The following FUT8 variants were observed in gnomAD, a reference collection of about 807,000 sequenced individuals.
The protein encoded by FUT8 is alpha-(1,6)-fucosyltransferase.
FUT8 carries 29 observed loss-of-function variants against 71.3 expected under a neutral mutation model. That is an observed-to-expected ratio of 0.41 (90% confidence interval 0.30 to 0.55). FUT8 has a LOEUF of 0.55. FUT8 is among the 20% of genes least tolerant of loss of function. FUT8 has a pLI of 0.34. For missense variants in FUT8, 544 were observed against 702.1 expected (o/e 0.77, Z 2.55); for synonymous variants, 254 against 239.3 (o/e 1.06, Z -0.57).
chr14:65,378,972 T>C, the FUT8 span, among the ~76,000 whole-genome samples: 45 of 146,856 alleles, frequency 3.1e-4, no homozygotes, highest in African/African-American at 1.0e-3. Context: ...TCAGCCTCCC[T>C]AGTAGCTGGG....
chr14:65,444,306 C>A (rs1286853363), intron 1 of FUT8, among the ~76,000 whole-genome samples: 1 of 152,146 alleles, frequency 6.6e-6, no homozygotes, highest in Non-Finnish European at 1.5e-5. Context: ...TAGACAATAG[C>A]AAGCTGACAG....
intron 9 of FUT8, among the ~76,000 whole-genome samples, chr14:65,726,718 C>A (rs1895704419): frequency 6.6e-6 from 1 of 152,144 alleles, no homozygotes; most frequent in African/African-American, 2.4e-5. Context: ...CAAAACCAGT[C>A]ATACTTTCCC....
In FUT8 at chr14:65,469,032, C is replaced by A. The variant is rs144683294; in HGVS notation, c.-228+13314C>A. Among the ~76,000 whole-genome samples, 151 of 152,214 alleles carry A rather than the reference C, an allele frequency of 9.9e-4. 1 individual carries two copies. Among genetic ancestry groups the A allele is most frequent in the African/African-American group, 3.5e-3 (144 of 41,518 alleles). The stretch of plus-strand genomic sequence containing the variant: ...GCCGGTCTTAGAAAAAAGGACTTAG[C>A]TGGGCATGGTGGTGGCATGCACCTG... On this transcript the variant is annotated intron_variant, in intron 2 of 10. Coordinates refer to ENST00000673929, the MANE Select transcript of FUT8 (RefSeq NM_001371533.1).
At chr14:65,597,848 C>T (rs554945181) in intron 3 of FUT8, among the ~76,000 whole-genome samples, 2 of 152,018 alleles carry the variant, frequency 1.3e-5, no homozygotes, top group South Asian at 4.1e-4. Flanking sequence ...GGCCATCTCA[C>T]AGTGAATTTG....
chr14:65,644,588 C>T (rs1004218590), intron 6 of FUT8, among the ~76,000 whole-genome samples: 1 of 152,034 alleles, frequency 6.6e-6, no homozygotes, highest in Admixed American at 6.5e-5. Flanking sequence ...GTCTCGATCT[C>T]CTGACCTCGT....
At chr14:65,425,406 G>A (rs2065368579) in intron 1 of FUT8, among the ~76,000 whole-genome samples, 1 of 149,260 alleles carries the variant, frequency 6.7e-6, no homozygotes, top group South Asian at 2.1e-4. Context: ...GACCTTAGGT[G>A]ATCCACCCGC....
At position 65,669,780 on chromosome 14, in the gene FUT8, A is replaced by G. The variant is rs894493403; in HGVS notation, c.835+300A>G. Among the ~76,000 whole-genome samples the G allele has an allele frequency of 2.0e-5, 3 of 152,206 alleles. No homozygotes were observed. The highest frequency in any genetic ancestry group is 2.9e-5 in the Non-Finnish European group (2 of 68,038). ...GACTTTCACTCTATAAGATGATTTC[A>G]CATTATTGAACTCATTTTAATATGA... On this transcript the variant is annotated intron_variant, in intron 7 of 10. Coordinates refer to ENST00000673929, the MANE Select transcript of FUT8 (RefSeq NM_001371533.1). The surrounding 1 kb of genome is among the most constrained non-coding windows in gnomAD (Gnocchi z 4.5).
chr14:65,358,290 T>C, the FUT8 span, among the ~76,000 whole-genome samples: 1 of 152,284 alleles, frequency 6.6e-6, no homozygotes, highest in Middle Eastern at 3.4e-3. Context: ...AAACATCACA[T>C]TGTATCCCAT....
At chr14:65,637,358 G>GT (rs1890614076) in intron 6 of FUT8, among the ~76,000 whole-genome samples, 1 of 152,152 alleles carries the variant, frequency 6.6e-6, no homozygotes, top group African/African-American at 2.4e-5. Context: ...TCAAGCCTTA[G>GT]TTTTTTAACT....
intron 2 of FUT8, among the ~76,000 whole-genome samples, chr14:65,538,947 A>AC (rs1465129221): frequency 6.6e-6 from 1 of 151,878 alleles, no homozygotes; most frequent in Non-Finnish European, 1.5e-5. Flanking sequence ...CAAAACAAAC[A>AC]CAAAAAAAAC....
intron 2 of FUT8, among the ~76,000 whole-genome samples, chr14:65,521,750 T>C (rs1883092916): frequency 6.6e-6 from 1 of 152,246 alleles, no homozygotes; most frequent in South Asian, 2.1e-4. Flanking sequence ...TTCTAAGATA[T>C]GCTGAAATTG....
the FUT8 span, among the ~76,000 whole-genome samples, chr14:65,400,484 G>T: frequency 6.6e-6 from 1 of 152,102 alleles, no homozygotes; most frequent in Non-Finnish European, 1.5e-5. Flanking sequence ...CTTCCCTGTT[G>T]GTTCAGGGGT....
At chr14:65,486,707 C>G (rs1479287640) in intron 2 of FUT8, among the ~76,000 whole-genome samples, 1 of 152,194 alleles carries the variant, frequency 6.6e-6, no homozygotes, top group Admixed American at 6.5e-5. Flanking sequence ...TTACCACTTG[C>G]TAACTGGGTA....
chr14:65,369,741 C>T, the FUT8 span, among the ~76,000 whole-genome samples: 1 of 152,182 alleles, frequency 6.6e-6, no homozygotes, highest in Non-Finnish European at 1.5e-5. The surrounding 1 kb of genome is among the most constrained non-coding windows in gnomAD (Gnocchi z 4.6). Context: ...GAGAGGAACC[C>T]TTAGTTCCAG....
intron 2 of FUT8, among the ~76,000 whole-genome samples, chr14:65,478,831 C>T (rs1277819284): frequency 2.6e-5 from 4 of 152,176 alleles, no homozygotes; most frequent in Admixed American, 6.5e-5. Context: ...GCTCTTCAAA[C>T]CTTTTATGGT....
At chr14:65,560,074 CTT>C (rs1465159807) in intron 2 of FUT8, among the ~76,000 whole-genome samples, 1 of 152,064 alleles carries the variant, frequency 6.6e-6, no homozygotes, top group Non-Finnish European at 1.5e-5. Context: ...ATTTTCTTCT[CTT>C]TGAATATTGG....
At chr14:65,601,708 T>G (rs925003806) in intron 3 of FUT8, among the ~76,000 whole-genome samples, 2 of 152,172 alleles carry the variant, frequency 1.3e-5, no homozygotes, top group African/African-American at 4.8e-5. Flanking sequence ...ACAGTAATAT[T>G]CTAATAGTGT....
At chr14:65,452,235 G>A (rs921945456) in intron 1 of FUT8, among the ~76,000 whole-genome samples, 20 of 152,158 alleles carry the variant, frequency 1.3e-4, no homozygotes, top group African/African-American at 4.8e-4. Context: ...CTGTCACAAA[G>A]TTAATTAAGT....
At chr14:65,613,137 G>A (rs1358862340) in intron 3 of FUT8, among the ~76,000 whole-genome samples, 1 of 151,946 alleles carries the variant, frequency 6.6e-6, no homozygotes, top group Non-Finnish European at 1.5e-5. Context: ...ACTCTTTGTG[G>A]AAAGCTACTG....
Sources: allele counts gnomAD v4.1 joint callset (sites outside exome capture counted in the v4.1 genomes callset), GRCh38; gene constraint gnomAD v4.1.1; non-coding constraint Gnocchi (gnomAD v3.1); transcripts MANE v1.5; gene names NCBI Gene and HGNC (gene_info 2026-07-23, HGNC 2026-07-21).